Variants in GRM1 observed in about 807,000 individuals in gnomAD.
GRM1 encodes glutamate metabotropic receptor 1, also known as metabotropic glutamate receptor 1.
In GRM1, 33 loss-of-function variants were observed where a neutral mutation model predicts 90.9. The observed-to-expected ratio is 0.36, with a 90% CI of 0.28 to 0.49. The LOEUF (loss-of-function observed/expected upper bound fraction) is 0.49, where lower values mean the gene tolerates loss of function less well. Ranked by LOEUF, GRM1 falls within the 20% of genes least tolerant of loss-of-function variation. GRM1 has a pLI of 0.99. For missense variants in GRM1, 1,190 were observed against 1,534.3 expected (o/e 0.78, Z 3.75); for synonymous variants, 700 against 613.2 (o/e 1.14, Z -2.09).
chr6:146,126,658 G>T (rs1377935034), intron 1 of GRM1, among the ~76,000 whole-genome samples: 1 of 151,944 alleles, frequency 6.6e-6, no homozygotes, highest in African/African-American at 2.4e-5. Flanking sequence ...AATCATTAAG[G>T]GACAGGAGAA....
chr6:146,181,239 T>A (rs1389059044), intron 2 of GRM1, among the ~76,000 whole-genome samples: 11 of 145,988 alleles, frequency 7.5e-5, no homozygotes, highest in Admixed American at 2.0e-4. Flanking sequence ...TTGCCACCTT[T>A]AAAAAAAAAA....
chr6:146,368,260 T>TTTTG (rs1491160990), intron 5 of GRM1, among the ~76,000 whole-genome samples: 1 of 115,854 alleles, frequency 8.6e-6, no homozygotes, highest in African/African-American at 3.2e-5. Context: ...AGTTTTTTTT[T>TTTTG]GGGGGGGGGG....
chr6:146,181,971 T>C (rs1421480015), intron 2 of GRM1, among the ~76,000 whole-genome samples: 1 of 152,112 alleles, frequency 6.6e-6, no homozygotes, highest in East Asian at 1.9e-4. Flanking sequence ...AAGAGATCAT[T>C]AAAAAGGAAA....
intron 2 of GRM1, among the ~76,000 whole-genome samples, chr6:146,212,985 G>T (rs1031519228): frequency 2.0e-5 from 3 of 151,888 alleles, no homozygotes; most frequent in Non-Finnish European, 4.4e-5. Context: ...AAACCACAAA[G>T]GCAAAGGAAA....
intron 3 of GRM1, among the ~76,000 whole-genome samples, chr6:146,338,964 A>G (rs1784873470): frequency 6.6e-6 from 1 of 152,194 alleles, no homozygotes. Flanking sequence ...CTGGGATGCC[A>G]CAGTGACTGC....
chr6:146,127,048 T>A (rs1776223623), intron 1 of GRM1, among the ~76,000 whole-genome samples: 1 of 152,244 alleles, frequency 6.6e-6, no homozygotes, highest in African/African-American at 2.4e-5. Context: ...CCCAGTGTCT[T>A]GAAAAGAGCC....
At chr6:146,293,149 A>G (rs1235341358) in intron 2 of GRM1, among the ~76,000 whole-genome samples, 1 of 151,942 alleles carries the variant, frequency 6.6e-6, no homozygotes, top group African/African-American at 2.4e-5. Context: ...CTTACTGGGT[A>G]TGGGGTTGTA....
intron 4 of GRM1, among the ~76,000 whole-genome samples, chr6:146,355,842 G>A (rs187558344): frequency 6.6e-6 from 1 of 152,246 alleles, no homozygotes; most frequent in East Asian, 1.9e-4. Flanking sequence ...GAGGGGCGAG[G>A]GATGAAGAGA....
chr6:146,419,005 A>G (rs923324151), intron 7 of GRM1, among the ~76,000 whole-genome samples: 1 of 152,180 alleles, frequency 6.6e-6, no homozygotes, highest in African/African-American at 2.4e-5. Flanking sequence ...ACTATGGCCT[A>G]TGGGAGATTA....
chr6:146,302,286 G>A (rs186040060), intron 2 of GRM1, among the ~76,000 whole-genome samples: 1 of 149,416 alleles, frequency 6.7e-6, no homozygotes, highest in Non-Finnish European at 1.5e-5. Flanking sequence ...ACACACAGGC[G>A]TGCGTGCACA....
At chr6:146,406,332 G>A (rs960963105) in intron 7 of GRM1, among the ~76,000 whole-genome samples, 1 of 152,148 alleles carries the variant, frequency 6.6e-6, no homozygotes, top group Admixed American at 6.5e-5. Flanking sequence ...GAAAAATCAG[G>A]CTGGGAACTT....
intron 6 of GRM1, among the ~76,000 whole-genome samples, chr6:146,392,808 A>G (rs1379067608): frequency 6.6e-6 from 1 of 152,040 alleles, no homozygotes; most frequent in Non-Finnish European, 1.5e-5. Context: ...TTCCTGTGTT[A>G]GTTTGCTGAG....
intron 1 of GRM1, among the ~76,000 whole-genome samples, chr6:146,070,798 T>C (rs1775995533): frequency 6.6e-6 from 1 of 152,130 alleles, no homozygotes. Context: ...GGAATCCACT[T>C]GAATTATCAG....
At chr6:146,291,035 T>C (rs6921530) in intron 2 of GRM1, among the ~76,000 whole-genome samples, 34,483 of 152,126 alleles carry the variant, frequency 0.23, 8,178 homozygotes, top group African/African-American at 0.6. Context: ...TGTTATATTA[T>C]GAAACAAGGG....
At chr6:146,167,797 G>A (rs945403757) in intron 2 of GRM1, among the ~76,000 whole-genome samples, 6 of 151,950 alleles carry the variant, frequency 3.9e-5, no homozygotes, top group African/African-American at 1.2e-4. Flanking sequence ...GTGATTTATC[G>A]TATATGTGTA....
At chr6:146,115,385 G>A (rs1397477510) in intron 1 of GRM1, among the ~76,000 whole-genome samples, 7 of 152,018 alleles carry the variant, frequency 4.6e-5, no homozygotes, top group Admixed American at 6.6e-5. Context: ...TTCTCAACAC[G>A]TGGCAGCTAG....
intron 2 of GRM1, among the ~76,000 whole-genome samples, chr6:146,256,086 A>T (rs970199626): frequency 2.0e-5 from 3 of 152,224 alleles, no homozygotes; most frequent in Admixed American, 6.5e-5. Flanking sequence ...ACTGGCTCGG[A>T]TACAGCTTGA....
intron 1 of GRM1, among the ~76,000 whole-genome samples, chr6:146,153,046 A>G (rs1416116694): frequency 1.3e-5 from 2 of 152,158 alleles, no homozygotes; most frequent in Non-Finnish European, 2.9e-5. Flanking sequence ...GGCTGGGTGT[A>G]CTATCTTCAG....
chr6:146,286,975 G>T (rs1168967901), intron 2 of GRM1, among the ~76,000 whole-genome samples: 3 of 152,162 alleles, frequency 2.0e-5, no homozygotes, highest in African/African-American at 4.8e-5. Flanking sequence ...CATTAAGCAA[G>T]ATGGCAAGAT....
Sources: gnomAD v4.1 joint callset for allele counts (sites outside exome capture counted in the v4.1 genomes callset) on GRCh38, gnomAD v4.1.1 for gene constraint, MANE v1.5 for transcripts, NCBI Gene and HGNC (gene_info 2026-07-23, HGNC 2026-07-21) for gene names.